The following REDIC1 variants were observed in gnomAD, a reference collection of about 807,000 sequenced individuals.
The protein encoded by REDIC1 is HEI10 Interacting Protein 1.
the REDIC1 span, chr12:39,830,307 T>C: frequency 6.5e-7 from 1 of 1,544,372 alleles, no homozygotes. Context: ...TGTGCTTCTC[T>C]GCATTTTCCA....
the REDIC1 span, among the ~76,000 whole-genome samples, chr12:39,840,152 T>C: frequency 1.3e-5 from 2 of 151,894 alleles, no homozygotes; most frequent in Non-Finnish European, 2.9e-5. Context: ...CTGCCTCAGC[T>C]TCCTGAGTAG....
At chr12:39,844,131 C>T in the REDIC1 span, among the ~76,000 whole-genome samples, 943 of 152,134 alleles carry the variant, frequency 6.2e-3, 12 homozygotes, top group African/African-American at 0.021. Context: ...TGATGTGTCC[C>T]TAAAAAGCTG....
the REDIC1 span, chr12:39,643,649 CAT>C: frequency 1.5e-6 from 1 of 675,516 alleles, no homozygotes; most frequent in Non-Finnish European, 2.4e-6. Context: ...TATTTATAAA[CAT>C]ATAAAGATGT....
the REDIC1 span, among the ~76,000 whole-genome samples, chr12:39,817,878 C>G: frequency 6.6e-6 from 1 of 152,272 alleles, no homozygotes; most frequent in Admixed American, 6.5e-5. Context: ...ATACTCACTA[C>G]AGAGGAGGCT....
At chr12:39,650,496 T>G in the REDIC1 span, 1 of 1,042,736 alleles carries the variant, frequency 9.6e-7, no homozygotes, top group East Asian at 3.0e-5. This position sits in a 1 kb window ranked among gnomAD's most constrained non-coding sequence, Gnocchi z 4.3. Flanking sequence ...ATTCAAAAAG[T>G]AAAATGTATT....
chr12:39,663,878 T>A, the REDIC1 span, among the ~76,000 whole-genome samples: 1 of 152,026 alleles, frequency 6.6e-6, no homozygotes. Context: ...TTTCTTTTCT[T>A]TTCTTTTTTG....
the REDIC1 span, among the ~76,000 whole-genome samples, chr12:39,707,500 C>T: frequency 4.6e-5 from 7 of 151,856 alleles, no homozygotes; most frequent in African/African-American, 1.7e-4. Context: ...AAGCATCCCA[C>T]TGCTGGATAT....
the REDIC1 span, among the ~76,000 whole-genome samples, chr12:39,705,433 G>C: frequency 6.6e-6 from 1 of 152,002 alleles, no homozygotes. Flanking sequence ...AAAAATGGAG[G>C]ATGAGGGACT....
chr12:39,646,303 T>C, the REDIC1 span: 1 of 746,900 alleles, frequency 1.3e-6, no homozygotes, highest in Non-Finnish European at 1.9e-6. Flanking sequence ...TATTTTAAAA[T>C]TATAATTATA....
chr12:39,685,967 A>G, the REDIC1 span, among the ~76,000 whole-genome samples: 2 of 152,246 alleles, frequency 1.3e-5, no homozygotes, highest in Non-Finnish European at 2.9e-5. Flanking sequence ...CCTTGACTCT[A>G]TATCTCACAT....
chr12:39,770,909 C>G, the REDIC1 span, among the ~76,000 whole-genome samples: 1 of 152,048 alleles, frequency 6.6e-6, no homozygotes, highest in South Asian at 2.1e-4. Context: ...CTGGGACACC[C>G]AGGTAAAGTT....
the REDIC1 span, chr12:39,641,089 G>C: frequency 3.1e-6 from 3 of 973,104 alleles, no homozygotes; most frequent in Admixed American, 2.1e-5. Flanking sequence ...AGTGAAACTG[G>C]AGGCCATCTT....
At chr12:39,737,237 A>G in the REDIC1 span, among the ~76,000 whole-genome samples, 2 of 152,286 alleles carry the variant, frequency 1.3e-5, no homozygotes, top group African/African-American at 4.8e-5. Context: ...TATTCTGGCA[A>G]TATGTTTGGA....
At chr12:39,705,816 T>C in the REDIC1 span, among the ~76,000 whole-genome samples, 1 of 152,086 alleles carries the variant, frequency 6.6e-6, no homozygotes, top group Non-Finnish European at 1.5e-5. Flanking sequence ...TAACTCAATA[T>C]AATAACAGCC....
At chr12:39,767,315 T>TC in the REDIC1 span, among the ~76,000 whole-genome samples, 4 of 151,376 alleles carry the variant, frequency 2.6e-5, no homozygotes, top group East Asian at 7.9e-4. Flanking sequence ...TTTTTTCTTT[T>TC]CCTGAGCAGT....
chr12:39,907,518 T>C, the REDIC1 span: 2 of 152,162 alleles, frequency 1.3e-5, no homozygotes, highest in African/African-American at 4.8e-5. Flanking sequence ...ATAATGTACC[T>C]GATATATACT....
At chr12:39,883,513 G>A in the REDIC1 span, among the ~76,000 whole-genome samples, 63 of 152,220 alleles carry the variant, frequency 4.1e-4, no homozygotes, top group South Asian at 1.2e-3. Flanking sequence ...CAAACAGGAC[G>A]GAAAAAGGTG....
At chr12:39,712,193 C>CATGTATATATACCTGTATGTATATGT in the REDIC1 span, among the ~76,000 whole-genome samples, 14 of 12,008 alleles carry the variant, frequency 1.2e-3, no homozygotes, top group Admixed American at 2.8e-3. Flanking sequence ...TGTATATGTA[C>CATGTATATATACCTGTATGTATATGT]ATACATATAT....
the REDIC1 span, among the ~76,000 whole-genome samples, chr12:39,815,065 A>G: frequency 6.6e-6 from 1 of 151,790 alleles, no homozygotes; most frequent in Non-Finnish European, 1.5e-5. Context: ...AAGATCAGCA[A>G]ACTAAGGATT....
Sources: allele counts gnomAD v4.1 joint callset (sites outside exome capture counted in the v4.1 genomes callset), GRCh38; gene constraint gnomAD v4.1.1; non-coding constraint Gnocchi (gnomAD v3.1); transcripts MANE v1.5; gene names NCBI Gene and HGNC (gene_info 2026-07-23, HGNC 2026-07-21).